PPL: variants seen among roughly 807,000 people sequenced by gnomAD.
The protein encoded by PPL is 190 kDa paraneoplastic pemphigus antigen.
A neutral mutation model predicts 194.4 loss-of-function variants in PPL; 198 were observed. That is an observed-to-expected ratio of 1.02 (90% confidence interval 0.91 to 1.15). The LOEUF (loss-of-function observed/expected upper bound fraction) is 1.15, where lower values mean the gene tolerates loss of function less well. Ranked by LOEUF, PPL falls within the 50% of genes most tolerant of loss-of-function variation. The pLI, the probability that PPL is intolerant of heterozygous loss-of-function variation, is 0.00. For missense variants in PPL, 2,885 were observed against 2,294.8 expected (o/e 1.26, Z -5.25); for synonymous variants, 1,220 against 972.4 (o/e 1.25, Z -4.74).
rs370963395 is a variant in PPL, at chr16:4,900,886, G to C, written c.565-15C>G. 206 of 1,613,976 alleles carry C rather than the reference G, an allele frequency of 1.3e-4. No individual in the cohort carries two copies. The highest frequency in any genetic ancestry group is 9.5e-5 in the Non-Finnish European group (112 of 1,180,034). On this transcript the variant is annotated splice_polypyrimidine_tract_variant and intron_variant, in intron 5 of 21. Transcript: ENST00000345988. Reference sequence around the variant, plus strand: ...CTGTTCTGCTCCTGAGGACAGAGCCGAGGGCATGGGTCAGGGCCAGGAAGC... The same window carrying C: ...CTGTTCTGCTCCTGAGGACAGAGCCCAGGGCATGGGTCAGGGCCAGGAAGC...
Position 4,885,617 on chromosome 16 carries a change from A to T in PPL, c.3038T>A (p.Leu1013Gln). The change falls in exon 22 of 22, where the codon CTG becomes CAG. Residue 1013 changes from leucine (L) to glutamine (Q), a missense_variant. Transcript: ENST00000345988. The surrounding 1 kb of genome is among the most constrained non-coding windows in gnomAD (Gnocchi z 6.3). The part of the protein sequence containing the change: ...DRAQADEVLQ[L>Q]REELEALRRQ... ...CCTCAGTGCCTCCAGCTCCTCCCGC[A>T]GCTGCAAGACCTCATCCGCCTGGGC... 6.2e-7 allele frequency: 1 copy of T among 1,612,574 alleles called. No individual in the cohort carries two copies. Among genetic ancestry groups the T allele is most frequent in the South Asian group, 1.1e-5 (1 of 91,034 alleles).
chr16:4,894,163 C>G (rs1308995737), intron 12 of PPL, among the ~76,000 whole-genome samples: 3 of 152,164 alleles, frequency 2.0e-5, no homozygotes, highest in Admixed American at 2.0e-4. Flanking sequence ...AGTCCTCCAG[C>G]CAAGGGGCTG....
In PPL at chr16:4,893,574, G is replaced by A. The variant is rs563190051; in HGVS notation, c.1459C>T (p.Arg487Trp). The change falls in exon 13 of 22, where the codon CGG becomes TGG. Residue 487 changes from arginine (R) to tryptophan (W), a missense_variant. By Grantham distance (101) the Arg-to-Trp change is moderately radical. Transcript: ENST00000345988. Reference protein sequence around the residue: ...AAGSKRTLQQRYEVLKTENPG... With the variant: ...AAGSKRTLQQWYEVLKTENPG... ...TTCTCGGTCTTCAGCACCTCATACCGCTGCTGCAGCGTGCGTTTGCTCCCA... is the reference window on the plus strand; with the variant it reads ...TTCTCGGTCTTCAGCACCTCATACCACTGCTGCAGCGTGCGTTTGCTCCCA... 32 of 1,611,996 alleles carry A rather than the reference G, an allele frequency of 2.0e-5. No homozygotes were observed. Among genetic ancestry groups the A allele is most frequent in the Non-Finnish European group, 2.0e-5 (24 of 1,179,752 alleles).
Position 4,883,123 on chromosome 16 carries a change from G to C in PPL, c.*261C>G. 1 of 482,428 alleles carries C rather than the reference G, an allele frequency of 2.1e-6. No individual in the cohort carries two copies. Among genetic ancestry groups the C allele is most frequent in the Non-Finnish European group, 3.7e-6 (1 of 266,922 alleles). 29.9% of individuals were successfully genotyped at this position (482,428 alleles called of 1,614,324 possible). ...TTGTTGCTGGGAGTGTACAGGAAAA[G>C]GGAGGAAAAGGCATCGCAGTTGTCC... is the stretch of plus-strand genomic sequence containing the variant. On this transcript the variant is annotated 3_prime_UTR_variant, in exon 22 of 22. Transcript: ENST00000345988. This position sits in a 1 kb window ranked among gnomAD's most constrained non-coding sequence, Gnocchi z 4.8.
Position 4,890,366 on chromosome 16 carries a change from C to T in PPL, c.2163-32G>A, listed in dbSNP as rs747197142. 4.5e-6 allele frequency: 7 copies of T among 1,561,160 alleles called. No homozygotes were observed. In the South Asian group the frequency reaches 8.3e-5, roughly 19 times the overall value. ...AGGCAAAGCGTTCAGGCCTCAGCCA[C>T]AGCAAACAGATGCCTCACCGAGCCC... On this transcript the variant is annotated intron_variant, in intron 17 of 21. Transcript: ENST00000345988.
At chr16:4,889,125 T>G in intron 18 of PPL, 64 bp from the exon 19 acceptor site, 5 of 1,223,800 alleles carry the variant, frequency 4.1e-6, no homozygotes, top group Non-Finnish European at 6.0e-6. Context: ...CAACCATGGA[T>G]GCAGTAGCTG....
chr16:4,936,862 T>C, intron 1 of PPL, 122 bp downstream of exon 1: 1 of 993,962 alleles, frequency 1.0e-6, no homozygotes, highest in Non-Finnish European at 1.4e-6. Context: ...GCACTCCGGG[T>C]TCAGTTCCCG....
At chr16:4,895,545 AG>A in intron 10 of PPL, 48 bp downstream of exon 10, 1 of 1,612,216 alleles carries the variant, frequency 6.2e-7, no homozygotes, top group Non-Finnish European at 8.5e-7. Context: ...CATGGTGTAG[AG>A]GGGTCCCCCG....
rs1274130579 is a variant in PPL, at chr16:4,902,616, T to TCCTGGAAGGACACAGTGA, written c.318-108_318-91dup. ...CCCCACCCAGACCCCGGCCTCAGTGTCCTGGAAGGACACAGTGACCATATG... is the reference window on the plus strand; with the variant it reads ...CCCCACCCAGACCCCGGCCTCAGTGTCCTGGAAGGACACAGTGACCTGGAAGGACACAGTGACCATATG... On this transcript the variant is annotated intron_variant, in intron 3 of 21. Coordinates refer to ENST00000345988, the MANE Select transcript of PPL (RefSeq NM_002705.5). The surrounding 1 kb of genome is among the most constrained non-coding windows in gnomAD (Gnocchi z 4.0). 9 of 1,473,076 alleles carry TCCTGGAAGGACACAGTGA rather than the reference T, an allele frequency of 6.1e-6. No individual in the cohort carries two copies. The African/African-American group carries it at 1.1e-4, about 18-fold the overall frequency. 91.3% of individuals were successfully genotyped at this position (1,473,076 alleles called of 1,614,324 possible). A position where few individuals can be genotyped will look rare whatever the true frequency, so the allele number is the denominator to read the frequency against.
chr16:4,893,889 A>G, intron 12 of PPL: 2 of 557,108 alleles, frequency 3.6e-6, no homozygotes, highest in Non-Finnish European at 6.4e-6. Context: ...CACCACCAAG[A>G]TGTTACTTCT....
In PPL at chr16:4,891,919, G is replaced by A. The variant is rs562233220; in HGVS notation, c.1860C>T (p.Ser620=). Reference sequence around the variant, plus strand: ...CCAGCAACTCCCAGCTCTGCTGCAGGCTCTTCTCCAGGCGGTTGGCCACAT... The same window carrying A: ...CCAGCAACTCCCAGCTCTGCTGCAGACTCTTCTCCAGGCGGTTGGCCACAT... The part of the protein sequence containing the change: ...KVDVANRLEK[S]LQQSWELLAT... Residue 620 remains serine (S), a synonymous_variant, in exon 16 of 22, where the codon AGC becomes AGT. Transcript: ENST00000345988. 2 of 1,613,422 alleles carry A rather than the reference G, an allele frequency of 1.2e-6. No homozygotes were observed. Among genetic ancestry groups the A allele is most frequent in the South Asian group, 2.2e-5 (2 of 91,074 alleles).
At chr16:4,916,323 T>C (rs993266228) in intron 1 of PPL, among the ~76,000 whole-genome samples, 6 of 151,898 alleles carry the variant, frequency 4.0e-5, no homozygotes, top group African/African-American at 1.5e-4. Context: ...ATGATTCTCC[T>C]ACCTCAGCCT....
chr16:4,903,444 G>A (rs1014429085), intron 3 of PPL, among the ~76,000 whole-genome samples: 12 of 151,882 alleles, frequency 7.9e-5, no homozygotes, highest in African/African-American at 2.7e-4. Flanking sequence ...GCTCACATGT[G>A]TAATCCCAGC....
At chr16:4,923,128 G>C (rs1052926269) in intron 1 of PPL, among the ~76,000 whole-genome samples, 13 of 152,210 alleles carry the variant, frequency 8.5e-5, no homozygotes, top group African/African-American at 3.1e-4. Flanking sequence ...GGAAACTGCA[G>C]AAGGGGAGGG....
intron 16 of PPL, 29 bp downstream of exon 16, chr16:4,891,782 G>T (rs1437292542): frequency 6.3e-7 from 1 of 1,584,622 alleles, no homozygotes. Context: ...CTCAGAGAAG[G>T]ACTCCCAGGA....
In PPL at chr16:4,883,163, G is replaced by A; in HGVS notation, c.*221C>T. 1.7e-6 allele frequency: 1 copy of A among 582,566 alleles called. No homozygotes were observed. Among genetic ancestry groups the A allele is most frequent in the South Asian group, 2.2e-5 (1 of 46,242 alleles). 36.1% of individuals were successfully genotyped at this position (582,566 alleles called of 1,614,324 possible). On this transcript the variant is annotated 3_prime_UTR_variant, in exon 22 of 22. Coordinates refer to ENST00000345988, the MANE Select transcript of PPL (RefSeq NM_002705.5). This position sits in a 1 kb window ranked among gnomAD's most constrained non-coding sequence, Gnocchi z 4.8. ...CGCAGTTGTCCAGTCATTGGAGGATGAAGTACGTCACTCAGGGTGAATGAT... is the reference window on the plus strand; with the variant it reads ...CGCAGTTGTCCAGTCATTGGAGGATAAAGTACGTCACTCAGGGTGAATGAT...
chr16:4,902,177 G>C lies in PPL; in HGVS notation c.438+229C>G, dbSNP rs1005101641. On this transcript the variant is annotated intron_variant, in intron 4 of 21. Coordinates refer to ENST00000345988, the MANE Select transcript of PPL (RefSeq NM_002705.5). The surrounding 1 kb of genome is among the most constrained non-coding windows in gnomAD (Gnocchi z 4.0). ...CCAGGAGCAGCAGCGAGGTGTGGCT[G>C]ACAGGGGACAGAGTCCGAATCTCCA... Among the ~76,000 whole-genome samples the C allele has an allele frequency of 6.6e-5, 10 of 152,174 alleles. No homozygotes were observed. Among genetic ancestry groups the C allele is most frequent in the African/African-American group, 2.4e-4 (10 of 41,444 alleles).
chr16:4,934,621 A>C (rs1401402186), intron 1 of PPL, among the ~76,000 whole-genome samples: 1 of 152,054 alleles, frequency 6.6e-6, no homozygotes, highest in Admixed American at 6.5e-5. Flanking sequence ...GAATCTCACC[A>C]GCAATTTTGT....
intron 2 of PPL, among the ~76,000 whole-genome samples, chr16:4,910,152 T>G (rs548879229): frequency 6.6e-6 from 1 of 152,316 alleles, no homozygotes; most frequent in African/African-American, 2.4e-5. Flanking sequence ...CACTGGGCAG[T>G]TGTTATCCCC....
Sources: allele counts gnomAD v4.1 joint callset (sites outside exome capture counted in the v4.1 genomes callset), GRCh38; gene constraint gnomAD v4.1.1; non-coding constraint Gnocchi (gnomAD v3.1); transcripts MANE v1.5; gene names NCBI Gene and HGNC (gene_info 2026-07-23, HGNC 2026-07-21).